TASP1: variants seen among roughly 807,000 people sequenced by gnomAD.
TASP1 encodes taspase 1.
TASP1 carries 16 observed loss-of-function variants against 56.6 expected under a neutral mutation model. That is an observed-to-expected ratio of 0.28 (90% CI 0.19 to 0.43). The LOEUF (loss-of-function observed/expected upper bound fraction) is 0.43, where lower values mean the gene tolerates loss of function less well. Among genes scored for constraint, TASP1 ranks in the 20% least tolerant of loss-of-function variants. The probability of loss-of-function intolerance (pLI) is 1.00; values close to 1 mark genes in which losing one functional copy is unlikely to be tolerated. For missense variants in TASP1, 393 were observed against 511.6 expected (o/e 0.77, Z 2.24); for synonymous variants, 179 against 184.2 (o/e 0.97, Z 0.23).
chr20:13,337,976 C>T, the TASP1 span, among the ~76,000 whole-genome samples: 7 of 152,062 alleles, frequency 4.6e-5, no homozygotes, highest in East Asian at 3.9e-4. Flanking sequence ...GGGTCCTGAT[C>T]GAGACCCCAA....
At chr20:13,252,161 C>G in the TASP1 span, among the ~76,000 whole-genome samples, 1 of 152,160 alleles carries the variant, frequency 6.6e-6, no homozygotes, top group East Asian at 1.9e-4. Context: ...TCCCTCAGGC[C>G]TCTTTTCTGG....
chr20:13,336,320 A>C, the TASP1 span, among the ~76,000 whole-genome samples: 6 of 152,200 alleles, frequency 3.9e-5, no homozygotes, highest in Non-Finnish European at 7.4e-5. Context: ...GTAAAGACCA[A>C]TAGCACAGTA....
At chr20:13,488,631 C>T (rs776338096) in intron 10 of TASP1, among the ~76,000 whole-genome samples, 17 of 152,174 alleles carry the variant, frequency 1.1e-4, no homozygotes, top group Non-Finnish European at 1.8e-4. Context: ...AGATGATTCT[C>T]CCGATATCTT....
chr20:13,170,189 T>G, the TASP1 span, among the ~76,000 whole-genome samples: 1 of 152,228 alleles, frequency 6.6e-6, no homozygotes, highest in East Asian at 1.9e-4. Context: ...TGGCTTCATC[T>G]TGGAAGGCAA....
At chr20:13,301,690 GA>G in the TASP1 span, among the ~76,000 whole-genome samples, 1 of 152,070 alleles carries the variant, frequency 6.6e-6, no homozygotes, top group African/African-American at 2.4e-5. Context: ...TTATAATAAT[GA>G]GGAAATTTTT....
intron 11 of TASP1, among the ~76,000 whole-genome samples, chr20:13,481,275 A>G (rs757702500): frequency 1.3e-5 from 2 of 152,092 alleles, no homozygotes; most frequent in South Asian, 2.1e-4. Context: ...TTATGTCTGC[A>G]TAGTACTCCA....
chr20:13,310,373 T>C, the TASP1 span, among the ~76,000 whole-genome samples: 1 of 152,170 alleles, frequency 6.6e-6, no homozygotes, highest in East Asian at 1.9e-4. Context: ...GATATCCACC[T>C]GCAGAAGAAT....
At chr20:13,438,747 A>G (rs1208023034) in intron 11 of TASP1, among the ~76,000 whole-genome samples, 3 of 152,220 alleles carry the variant, frequency 2.0e-5, no homozygotes, top group African/African-American at 7.2e-5. Context: ...AATTTTTGCA[A>G]TCTACTCATC....
intron 6 of TASP1, among the ~76,000 whole-genome samples, chr20:13,580,527 A>C (rs1367466318): frequency 6.6e-6 from 1 of 152,196 alleles, no homozygotes; most frequent in Non-Finnish European, 1.5e-5. Context: ...GAAACAGATG[A>C]AGTACAAAAC....
At position 13,435,062 on chromosome 20, in the gene TASP1, T is replaced by C. The variant is rs759577983; in HGVS notation, c.1078A>G (p.Asn360Asp). 6.2e-7 allele frequency: 1 copy of C among 1,610,946 alleles called. No individual in the cohort carries two copies. Among genetic ancestry groups the C allele is most frequent in the Non-Finnish European group, 8.5e-7 (1 of 1,178,534 alleles). ...RCSAEPDSSQ[N>D]KQTLLVEFLW... is the part of the protein sequence containing the mutation. ...CACTTACCTAGAAGTGTCTGCTTAT[T>C]TTGGGAGGAGTCAGGCTCGGCAGAA... The change falls in exon 12 of 14, where the codon AAT becomes GAT. Residue 360 changes from asparagine to aspartate, a missense_variant. By Grantham distance (23) the Asn-to-Asp change is conservative (BLOSUM62 1). Around this residue, in one of 3 missense-constraint regions of TASP1, gnomAD observed 293 missense variants for 354.2 expected, o/e 0.83. Coordinates refer to ENST00000337743, the MANE Select transcript of TASP1 (RefSeq NM_017714.3).
At chr20:13,550,066 T>G (rs947464523) in intron 8 of TASP1, among the ~76,000 whole-genome samples, 5 of 151,782 alleles carry the variant, frequency 3.3e-5, no homozygotes, top group African/African-American at 1.2e-4. Context: ...AAGGACGACC[T>G]GGGAAGAAAC....
chr20:13,249,825 GTTTT>G, the TASP1 span, among the ~76,000 whole-genome samples: 2 of 131,226 alleles, frequency 1.5e-5, no homozygotes, highest in Non-Finnish European at 3.2e-5. Context: ...GTTTTGTTTT[GTTTT>G]GTTTTGTTTC....
the TASP1 span, among the ~76,000 whole-genome samples, chr20:13,324,665 C>T: frequency 6.6e-6 from 1 of 152,136 alleles, no homozygotes; most frequent in Non-Finnish European, 1.5e-5. Context: ...CAAAATGATG[C>T]CTACAAAGTG....
chr20:13,316,478 A>G, the TASP1 span, among the ~76,000 whole-genome samples: 10 of 152,040 alleles, frequency 6.6e-5, no homozygotes, highest in South Asian at 2.1e-3. Context: ...AACCAGACAA[A>G]GCTATTACAA....
Position 13,523,371 on chromosome 20 carries a change from A to G in TASP1, c.874+5062T>C, listed in dbSNP as rs116000975. ...AGCAATGACCACATGGCATTTGTCA[A>G]TATCTCAGCAGTAGTCTCCCATTGG... On this transcript the variant is annotated intron_variant, in intron 10 of 13. Coordinates refer to ENST00000337743, the MANE Select transcript of TASP1 (RefSeq NM_017714.3). 1.9e-3 allele frequency among the ~76,000 whole-genome samples: 286 copies of G among 152,254 alleles called. 1 individual carries two copies. Among genetic ancestry groups the G allele is most frequent in the African/African-American group, 6.4e-3 (267 of 41,562 alleles).
At chr20:13,636,906 G>GA (rs927625840) in intron 1 of TASP1, among the ~76,000 whole-genome samples, 62 of 150,766 alleles carry the variant, frequency 4.1e-4, no homozygotes, top group Middle Eastern at 3.4e-3. Context: ...ACAAGTCTTT[G>GA]AAAAAAAAAT....
At chr20:13,289,668 G>C in the TASP1 span, among the ~76,000 whole-genome samples, 5 of 96,630 alleles carry the variant, frequency 5.2e-5, no homozygotes, top group Admixed American at 4.8e-4. Context: ...GAAGGAGGAG[G>C]AGGAGGGGGA....
At chr20:13,392,500 G>A (rs1230564974) in intron 13 of TASP1, among the ~76,000 whole-genome samples, 1 of 152,180 alleles carries the variant, frequency 6.6e-6, no homozygotes, top group Non-Finnish European at 1.5e-5. Context: ...CAGTTTCCCT[G>A]TACCTGACCA....
At chr20:13,248,080 G>A in the TASP1 span, among the ~76,000 whole-genome samples, 10,557 of 152,244 alleles carry the variant, frequency 0.069, 487 homozygotes, top group Middle Eastern at 0.14. Context: ...TGATGGCAGC[G>A]TCCAAAAGTG....
Sources: gnomAD v4.1 joint callset for allele counts (sites outside exome capture counted in the v4.1 genomes callset) on GRCh38, gnomAD v4.1.1 for gene constraint, gnomAD v4.1.1 regional missense constraint, MANE v1.5 for transcripts, NCBI Gene and HGNC (gene_info 2026-07-23, HGNC 2026-07-21) for gene names.